Variants in C4BPA observed in about 807,000 individuals in gnomAD.
C4BPA encodes C4b-binding protein alpha chain.
A neutral mutation model predicts 63.7 loss-of-function variants in C4BPA; 31 were observed. The observed-to-expected ratio is 0.49, with a 90% CI of 0.37 to 0.66. The LOEUF is 0.66. Among genes scored for constraint, C4BPA ranks in the 30% least tolerant of loss-of-function variants. The pLI, the probability that C4BPA is intolerant of heterozygous loss-of-function variation, is 0.00. For synonymous variants in C4BPA, 259 were observed against 254.7 expected, an observed-to-expected ratio of 1.02 and a Z score of -0.16; for missense variants, 572 against 723.3, an observed-to-expected ratio of 0.79 and a Z score of 2.40.
Position 207,114,120 on chromosome 1 carries a change from A to C in C4BPA, c.163A>C (p.Thr55Pro). 1.2e-6 allele frequency: 2 copies of C among 1,612,766 alleles called. No homozygotes were observed. The change falls in exon 3 of 12, where the codon ACT becomes CCT. Residue 55 changes from threonine (T) to proline (P), a missense_variant. Around this residue, in one of 2 missense-constraint regions of C4BPA, gnomAD observed 107 missense variants for 93.9 expected, o/e 1.14. Transcript: ENST00000367070. ...TCCAGGCAATTGTGGTCCTCCACCC[A>C]CTTTATCATTTGCTGCCCCGATGGA... Reference protein sequence around the residue: ...AVLGNCGPPPTLSFAAPMDIT... With the variant: ...AVLGNCGPPPPLSFAAPMDIT...
chr1:207,132,966 A>G (rs1685193332), intron 8 of C4BPA, among the ~76,000 whole-genome samples: 1 of 152,200 alleles, frequency 6.6e-6, no homozygotes, highest in African/African-American at 2.4e-5. Flanking sequence ...CCAAAGCTGC[A>G]GTGAGCCGAG....
intron 7 of C4BPA, among the ~76,000 whole-genome samples, chr1:207,127,902 G>T (rs569061941): frequency 1.9e-3 from 287 of 152,218 alleles, no homozygotes; most frequent in Middle Eastern, 3.4e-3. Context: ...GGGTAAAAAA[G>T]TTATTTGGGG....
intron 4 of C4BPA, among the ~76,000 whole-genome samples, chr1:207,117,415 C>T (rs545706865): frequency 1.3e-5 from 2 of 152,258 alleles, no homozygotes; most frequent in South Asian, 4.1e-4. Context: ...AGTGCCACTG[C>T]ACTACAACCT....
chr1:207,117,243 A>G (rs1015996012), intron 4 of C4BPA, among the ~76,000 whole-genome samples: 2 of 152,210 alleles, frequency 1.3e-5, no homozygotes, highest in Non-Finnish European at 2.9e-5. Flanking sequence ...TGAGTCCAGG[A>G]GTTCGAGACC....
chr1:207,122,591 G>T (rs1368478805), intron 4 of C4BPA, among the ~76,000 whole-genome samples: 1 of 151,890 alleles, frequency 6.6e-6, no homozygotes, highest in Non-Finnish European at 1.5e-5. Context: ...TATATTTTTT[G>T]AGTCAAGGTC....
rs1434495832 is a variant in C4BPA, at chr1:207,124,375, T to G, written c.706+9T>G. The G allele has an allele frequency of 1.3e-6, 2 of 1,585,284 alleles. No homozygotes were observed. Among genetic ancestry groups the G allele is most frequent in the East Asian group, 2.2e-5 (1 of 44,640 alleles). On this transcript the variant is annotated intron_variant, in intron 6 of 11. Transcript: ENST00000367070. ...CCCTCCTACCTGTGAAAGTAAGTCA[T>G]AATGATGAATTCTGCATCAAAATGT...
intron 9 of C4BPA, among the ~76,000 whole-genome samples, 183 bp downstream of exon 9, chr1:207,134,775 T>C (rs1685244130): frequency 1.3e-5 from 2 of 152,250 alleles, no homozygotes; most frequent in African/African-American, 4.8e-5. Context: ...TTCAGTTTCC[T>C]CTTTTCTGAA....
chr1:207,117,305 G>T (rs1345795974), intron 4 of C4BPA, among the ~76,000 whole-genome samples: 1 of 152,060 alleles, frequency 6.6e-6, no homozygotes, highest in Non-Finnish European at 1.5e-5. Flanking sequence ...AAAAACATTA[G>T]CCGAGTGTGG....
intron 4 of C4BPA, among the ~76,000 whole-genome samples, chr1:207,120,943 G>C (rs1310582366): frequency 6.6e-6 from 1 of 152,190 alleles, no homozygotes; most frequent in African/African-American, 2.4e-5. Context: ...TGAGTAGCTA[G>C]GCCTACAGGC....
intron 9 of C4BPA, among the ~76,000 whole-genome samples, chr1:207,135,440 G>A (rs965983121): frequency 6.6e-6 from 1 of 152,116 alleles, no homozygotes; most frequent in Non-Finnish European, 1.5e-5. Context: ...CCTATTAGGA[G>A]CCCAAAGTGA....
intron 4 of C4BPA, 65 bp downstream of exon 4, chr1:207,115,580 TA>T: frequency 1.1e-6 from 1 of 886,526 alleles, no homozygotes. Flanking sequence ...GAAGTGTTCG[TA>T]TATTTCAAAA....
intron 4 of C4BPA, 93 bp downstream of exon 4, chr1:207,115,608 AAGAT>A (rs1572778199): frequency 4.6e-6 from 3 of 653,352 alleles, no homozygotes; most frequent in Admixed American, 7.7e-5. Context: ...ATGATGTAAA[AAGAT>A]AGACGTTGAG....
At position 207,144,606 on chromosome 1, in the gene C4BPA, C is replaced by T. The variant is rs746812014; in HGVS notation, c.1683C>T (p.Asn561=). ...TGKRLMQCLP[N]PEDVKMALEV... The stretch of plus-strand genomic sequence containing the variant: ...AAAGACTCATGCAGTGTCTCCCAAA[C>T]CCAGAGGATGTGAAAATGGCCCTGG... Residue 561 remains asparagine (N), a synonymous_variant, in exon 12 of 12, where the codon AAC becomes AAT. Coordinates refer to ENST00000367070, the MANE Select transcript of C4BPA (RefSeq NM_000715.4). 1.9e-6 allele frequency: 3 copies of T among 1,613,394 alleles called. No homozygotes were observed. In the South Asian group the frequency reaches 3.3e-5, roughly 18 times the overall value.
intron 4 of C4BPA, 90 bp from the exon 5 acceptor site, chr1:207,123,832 T>C: frequency 1.4e-6 from 1 of 718,506 alleles, no homozygotes; most frequent in South Asian, 1.7e-5. Context: ...CTTATTTTAA[T>C]ATTGAGTAAC....
At chr1:207,134,340 G>C (rs1298618274) in intron 8 of C4BPA, 64 bp from the exon 9 acceptor site, 2 of 1,194,158 alleles carry the variant, frequency 1.7e-6, no homozygotes, top group East Asian at 2.4e-5. Context: ...AAATGAGGTT[G>C]TTAGCCATAG....
intron 9 of C4BPA, among the ~76,000 whole-genome samples, chr1:207,140,896 T>C (rs945035234): frequency 6.6e-6 from 1 of 152,208 alleles, no homozygotes. Flanking sequence ...AAGGAAAACC[T>C]AAGGGCTATA....
chr1:207,105,076 C>G (rs1684530739), intron 1 of C4BPA, among the ~76,000 whole-genome samples: 1 of 152,198 alleles, frequency 6.6e-6, no homozygotes, highest in African/African-American at 2.4e-5. Context: ...CAGTACCATT[C>G]TGGTCCTCAT....
rs749261139 is a variant in C4BPA at position 207,124,222 on chromosome 1, G to A, written c.562G>A (p.Gly188Ser). 21 of 1,613,772 alleles carry A rather than the reference G, an allele frequency of 1.3e-5. No individual in the cohort carries two copies. Among genetic ancestry groups the A allele is most frequent in the Admixed American group, 1.7e-5 (1 of 59,958 alleles). The change falls in exon 6 of 12, where the codon GGT becomes AGT. Residue 188 changes from glycine to serine, a missense_variant. Gly to Ser is a moderately conservative substitution (Grantham distance 56). This residue lies in a region of C4BPA where 465 missense variants were observed against 629.4 expected (regional missense o/e 0.74). Coordinates refer to ENST00000367070, the MANE Select transcript of C4BPA (RefSeq NM_000715.4). ...AGACATCAGGAATGGAAGGCACAGC[G>A]GTGAAGAAAATTTCTACGCATACGG... The part of the protein sequence containing the change: ...PPDIRNGRHS[G>S]EENFYAYGFS...
intron 10 of C4BPA, 136 bp from the exon 11 acceptor site, chr1:207,143,682 A>T (rs1685468884): frequency 4.5e-6 from 3 of 661,932 alleles, no homozygotes; most frequent in Non-Finnish European, 7.6e-6. Flanking sequence ...TAAAATGCTA[A>T]TATGAATGTT....
Sources: gnomAD v4.1 joint callset for allele counts (sites outside exome capture counted in the v4.1 genomes callset) on GRCh38, gnomAD v4.1.1 for gene constraint, gnomAD v4.1.1 regional missense constraint, MANE v1.5 for transcripts, NCBI Gene and HGNC (gene_info 2026-07-23, HGNC 2026-07-21) for gene names.